Variants in GRID2 observed in about 807,000 individuals in gnomAD.
The protein encoded by GRID2 is glutamate receptor ionotropic, delta-2.
Under a neutral mutation model 114.8 loss-of-function variants are expected in GRID2, and 33 were observed. That is an observed-to-expected ratio of 0.29 (90% CI 0.22 to 0.38). The LOEUF is 0.38. Ranked by LOEUF, GRID2 falls within the 10% of genes least tolerant of loss-of-function variation. GRID2 has a pLI of 1.00. For missense variants in GRID2, 1,184 were observed against 1,257.7 expected, an observed-to-expected ratio of 0.94 and a Z score of 0.89; for synonymous variants, 505 against 449.9, an observed-to-expected ratio of 1.12 and a Z score of -1.55.
chr4:92,936,911 A>G (rs1321567085), intron 2 of GRID2, among the ~76,000 whole-genome samples: 1 of 146,486 alleles, frequency 6.8e-6, no homozygotes, highest in Non-Finnish European at 1.5e-5. Flanking sequence ...ATGTTCTTTT[A>G]ATTTGCATTT....
At chr4:93,126,215 C>T (rs1734248411) in intron 4 of GRID2, among the ~76,000 whole-genome samples, 1 of 152,070 alleles carries the variant, frequency 6.6e-6, no homozygotes, top group Admixed American at 6.6e-5. Context: ...TACATGTTCT[C>T]TAATTTGGAA....
At chr4:93,139,672 T>C (rs970044465) in intron 4 of GRID2, among the ~76,000 whole-genome samples, 1 of 151,954 alleles carries the variant, frequency 6.6e-6, no homozygotes, top group Non-Finnish European at 1.5e-5. Context: ...TCCATTCCAA[T>C]AAACTTAAAT....
intron 8 of GRID2, among the ~76,000 whole-genome samples, chr4:93,263,695 T>A (rs895636440): frequency 6.6e-6 from 1 of 152,116 alleles, no homozygotes; most frequent in African/African-American, 2.4e-5. Flanking sequence ...GATGGTCTTA[T>A]TTTTAATTTG....
rs113695140 is a variant in GRID2, at chr4:93,490,315, A to G, written c.1859-324A>G. On this transcript the variant is annotated intron_variant, in intron 11 of 15. Coordinates refer to ENST00000282020, the MANE Select transcript of GRID2 (RefSeq NM_001510.4). ...TAGCAATATTAATGTCACCTAACTA[A>G]TGAATAATCAAGCCCTTGGAAAGAA... 2.0e-3 allele frequency among the ~76,000 whole-genome samples: 306 copies of G among 152,034 alleles called. 1 individual carries two copies. Among genetic ancestry groups the G allele is most frequent in the African/African-American group, 6.8e-3 (283 of 41,542 alleles).
chr4:92,362,432 A>G (rs953599815), intron 1 of GRID2, among the ~76,000 whole-genome samples: 1 of 151,930 alleles, frequency 6.6e-6, no homozygotes, highest in African/African-American at 2.4e-5. Context: ...TATTCCAAAA[A>G]TTTTTCTAAA....
intron 2 of GRID2, among the ~76,000 whole-genome samples, chr4:92,859,352 G>A (rs1744383235): frequency 6.6e-6 from 1 of 152,072 alleles, no homozygotes; most frequent in Non-Finnish European, 1.5e-5. Flanking sequence ...CTATAGTATA[G>A]TATAAACACA....
chr4:93,624,644 C>T (rs906976058), intron 13 of GRID2, among the ~76,000 whole-genome samples: 2 of 152,156 alleles, frequency 1.3e-5, no homozygotes, highest in Non-Finnish European at 2.9e-5. Flanking sequence ...ATTTCTAATA[C>T]TGAACCAATG....
intron 2 of GRID2, among the ~76,000 whole-genome samples, chr4:92,953,964 T>G (rs1262836197): frequency 6.6e-6 from 1 of 152,068 alleles, no homozygotes; most frequent in Non-Finnish European, 1.5e-5. Context: ...TCCCAAAATA[T>G]TTACTAAATA....
At chr4:92,576,440 G>T (rs530371331) in intron 1 of GRID2, among the ~76,000 whole-genome samples, 1 of 152,322 alleles carries the variant, frequency 6.6e-6, no homozygotes, top group Admixed American at 6.5e-5. Flanking sequence ...AAACCAGTGG[G>T]TCTTATCCTG....
intron 13 of GRID2, among the ~76,000 whole-genome samples, chr4:93,623,550 G>T (rs541632761): frequency 6.1e-4 from 93 of 152,120 alleles, no homozygotes; most frequent in Non-Finnish European, 1.1e-3. Flanking sequence ...GTTTATTGCA[G>T]CACTATTCAC....
At chr4:92,793,765 A>T (rs1194010920) in intron 2 of GRID2, among the ~76,000 whole-genome samples, 1 of 151,876 alleles carries the variant, frequency 6.6e-6, no homozygotes, top group African/African-American at 2.4e-5. Flanking sequence ...CAGACCTTTC[A>T]TACTTTTCAA....
intron 14 of GRID2, among the ~76,000 whole-genome samples, chr4:93,648,156 C>T (rs1022753317): frequency 6.6e-6 from 1 of 151,976 alleles, no homozygotes; most frequent in African/African-American, 2.4e-5. Context: ...TAAACAGGAA[C>T]ATGAGAAGGG....
intron 4 of GRID2, among the ~76,000 whole-genome samples, chr4:93,206,587 CT>C (rs1742809459): frequency 7.9e-6 from 1 of 127,054 alleles, no homozygotes; most frequent in Non-Finnish European, 1.6e-5. Context: ...GAAACTGCCC[CT>C]ACTACACACA....
chr4:92,917,959 A>G (rs954767047), intron 2 of GRID2, among the ~76,000 whole-genome samples: 2 of 152,008 alleles, frequency 1.3e-5, no homozygotes, highest in Non-Finnish European at 2.9e-5. Flanking sequence ...CCATTTTCAC[A>G]ATATTGATTC....
intron 14 of GRID2, among the ~76,000 whole-genome samples, chr4:93,657,574 C>A (rs1723129339): frequency 1.3e-5 from 2 of 151,944 alleles, no homozygotes; most frequent in South Asian, 4.1e-4. Context: ...AAACAAAAAA[C>A]CAAGTAATAC....
At chr4:92,511,089 G>T (rs1192455382) in intron 1 of GRID2, among the ~76,000 whole-genome samples, 1 of 151,784 alleles carries the variant, frequency 6.6e-6, no homozygotes, top group African/African-American at 2.4e-5. Flanking sequence ...TATTTACAAA[G>T]AAAAATGGTT....
At chr4:93,315,629 A>G (rs1430023656) in intron 8 of GRID2, among the ~76,000 whole-genome samples, 1 of 152,022 alleles carries the variant, frequency 6.6e-6, no homozygotes, top group Non-Finnish European at 1.5e-5. Flanking sequence ...TTCTTTGTTC[A>G]CTGTTGAATC....
intron 1 of GRID2, among the ~76,000 whole-genome samples, chr4:92,477,036 T>A: frequency 6.9e-6 from 1 of 144,664 alleles, no homozygotes; most frequent in Non-Finnish European, 1.5e-5. Flanking sequence ...TTGATTTAAC[T>A]TCATGTGTGT....
chr4:92,908,861 G>A (rs994468171), intron 2 of GRID2, among the ~76,000 whole-genome samples: 3 of 152,156 alleles, frequency 2.0e-5, no homozygotes, highest in East Asian at 1.9e-4. Context: ...CCTTCAATTC[G>A]TCAGGCACCT....
Sources: allele counts gnomAD v4.1 joint callset (sites outside exome capture counted in the v4.1 genomes callset), GRCh38; gene constraint gnomAD v4.1.1; transcripts MANE v1.5; gene names NCBI Gene and HGNC (gene_info 2026-07-23, HGNC 2026-07-21).